The following HNRNPH1 variants were observed in gnomAD, a reference collection of about 807,000 sequenced individuals.
HNRNPH1 encodes heterogeneous nuclear ribonucleoprotein H.
Under a neutral mutation model 58.6 loss-of-function variants are expected in HNRNPH1, and 4 were observed. The ratio of observed to expected loss-of-function variants is 0.07; its 90% confidence interval spans 0.03 to 0.16. The LOEUF is 0.16. HNRNPH1 is among the 10% of genes least tolerant of loss of function. The pLI, the probability that HNRNPH1 is intolerant of heterozygous loss-of-function variation, is 1.00. For missense variants in HNRNPH1, 271 were observed against 564.2 expected, an observed-to-expected ratio of 0.48 and a Z score of 5.26; for synonymous variants, 192 against 189.2, an observed-to-expected ratio of 1.01 and a Z score of -0.12.
intron 10 of HNRNPH1, 179 bp from the exon 12 acceptor site, chr5:179,616,397 G>A (rs933666571): frequency 2.8e-5 from 17 of 606,814 alleles, no homozygotes; most frequent in East Asian, 5.6e-5. Flanking sequence ...ATTTGAGCCA[G>A]TCAAATATTG....
chr5:179,628,851 T>A (rs1426073623), upstream of HNRNPH1, among the ~76,000 whole-genome samples: 1 of 151,898 alleles, frequency 6.6e-6, no homozygotes, highest in African/African-American at 2.4e-5. Context: ...TGTGGTGGCA[T>A]ACGTCTGTAA....
At chr5:179,629,992 C>T (rs890687755) in intron 2 of HNRNPH1, among the ~76,000 whole-genome samples, 1 of 151,894 alleles carries the variant, frequency 6.6e-6, no homozygotes, top group Non-Finnish European at 1.5e-5. Flanking sequence ...CCACTACACT[C>T]GAGCCTCGGT....
intron 3 of HNRNPH1, 93 bp from the exon 5 acceptor site, chr5:179,619,500 A>AT: frequency 8.6e-7 from 1 of 1,168,776 alleles, no homozygotes; most frequent in Non-Finnish European, 1.2e-6. Context: ...ATAAACCAGA[A>AT]TTTTTAACTT....
chr5:179,621,535 C>A (rs1425375791), intron 1 of HNRNPH1, 138 bp from the exon 3 acceptor site: 3 of 663,536 alleles, frequency 4.5e-6, no homozygotes, highest in Non-Finnish European at 7.7e-6. Context: ...ACGATATTAC[C>A]AACTCCTAAA....
chr5:179,622,104 G>C (rs1189310124), intron 1 of HNRNPH1: 1 of 413,202 alleles, frequency 2.4e-6, no homozygotes, highest in African/African-American at 2.1e-5. Flanking sequence ...CATTCTGATA[G>C]AAAATATTCA....
chr5:179,623,401 T>C (rs755683749), exon 1 of HNRNPH1: 3 of 260,842 alleles, frequency 1.2e-5, no homozygotes, highest in Non-Finnish European at 2.3e-5. Flanking sequence ...GGAAAGGAAA[T>C]GGCGGCGGCC....
At chr5:179,620,751 G>T in intron 3 of HNRNPH1, 141 bp downstream of exon 4, 1 of 677,632 alleles carries the variant, frequency 1.5e-6, no homozygotes, top group Non-Finnish European at 2.5e-6. Context: ...ATTATTTGAA[G>T]GTCTCTAGGA....
At chr5:179,621,483 C>T (rs1772280365) in intron 1 of HNRNPH1, 86 bp from the exon 3 acceptor site, 6 of 1,141,146 alleles carry the variant, frequency 5.3e-6, no homozygotes, top group Admixed American at 2.1e-5. Flanking sequence ...TCCATGTCCC[C>T]ACTACAAATT....
intron 2 of HNRNPH1, among the ~76,000 whole-genome samples, chr5:179,630,613 A>G (rs1774751100): frequency 1.3e-5 from 2 of 152,046 alleles, no homozygotes; most frequent in African/African-American, 4.8e-5. Flanking sequence ...TATTTGCAGT[A>G]TAAATGCATA....
In HNRNPH1 at chr5:179,622,309, G is replaced by A. The variant is rs192033373; in HGVS notation, c.97+728C>T. Among the ~76,000 whole-genome samples, 54 of 152,276 alleles carry A rather than the reference G, an allele frequency of 3.5e-4. No homozygotes were observed. The East Asian group carries it at 6.0e-3, about 17-fold the overall frequency. ...GAAAACACCAAAACTGGAAACAAGA[G>A]GTTACACTTCAAGATATTGCAAAAC... On this transcript the variant is annotated intron_variant, in intron 1 of 12. Transcript: ENST00000356731.
At chr5:179,621,065 T>C (rs911453147) in intron 2 of HNRNPH1, 30 bp from the exon 4 acceptor site, 2 of 1,608,618 alleles carry the variant, frequency 1.2e-6, no homozygotes, top group Non-Finnish European at 1.7e-6. Flanking sequence ...TTAGTCACTT[T>C]TGGAAAATTA....
intron 2 of HNRNPH1, among the ~76,000 whole-genome samples, chr5:179,630,562 T>G (rs903473613): frequency 4.6e-5 from 7 of 152,108 alleles, no homozygotes; most frequent in African/African-American, 1.7e-4. Context: ...CAAGGTACAT[T>G]GTGCTTGGAG....
At chr5:179,623,367 G>A (rs764782977) in exon 1 of HNRNPH1, 2 of 351,986 alleles carry the variant, frequency 5.7e-6, no homozygotes, top group Admixed American at 9.0e-5. Context: ...AACCGTGGGG[G>A]CCCGGGCCGA....
chr5:179,624,570 C>T, exon 1 of HNRNPH1: 1 of 398,746 alleles, frequency 2.5e-6, no homozygotes, highest in East Asian at 3.6e-5. Flanking sequence ...AAGAGTGCGT[C>T]CATTCACCAG....
At chr5:179,628,683 T>C (rs1216013971), upstream of HNRNPH1, among the ~76,000 whole-genome samples, 1 of 152,176 alleles carries the variant, frequency 6.6e-6, no homozygotes, top group Non-Finnish European at 1.5e-5. Context: ...GCTCACCCTG[T>C]ACTCCTAGCT....
rs879119150 is a variant in HNRNPH1 at position 179,617,936 on chromosome 5, G to C, written c.788-4C>G. On this transcript the variant is annotated splice_polypyrimidine_tract_variant and splice_region_variant and intron_variant, in intron 6 of 12. Coordinates refer to ENST00000356731, the Ensembl canonical transcript of HNRNPH1. The stretch of plus-strand genomic sequence containing the variant: ...CCTGAAAAACAGTAATTGAGGTCTA[G>C]ATGGACAAGAGTGTAAGCATCCTTC... The C allele has an allele frequency of 2.5e-6, 4 of 1,613,986 alleles. No homozygotes were observed. Among genetic ancestry groups the C allele is most frequent in the East Asian group, 2.2e-5 (1 of 44,902 alleles).
chr5:179,617,755 C>A, intron 7 of HNRNPH1, 44 bp downstream of exon 8: 1 of 1,609,824 alleles, frequency 6.2e-7, no homozygotes, highest in Non-Finnish European at 8.5e-7. Flanking sequence ...GGCTGACTTA[C>A]TGCCATACTG....
upstream of HNRNPH1, among the ~76,000 whole-genome samples, chr5:179,628,304 A>G (rs1774549047): frequency 6.6e-6 from 1 of 152,188 alleles, no homozygotes. Flanking sequence ...CTTAGCCTCA[A>G]TAAGATAGGA....
At chr5:179,634,135 C>G (rs1775066128) in exon 2 of HNRNPH1, 1 of 143,454 alleles carries the variant, frequency 7.0e-6, no homozygotes, top group Admixed American at 7.1e-5. Flanking sequence ...TGCCACTGCA[C>G]AGACTCTCCC....
Sources: allele counts gnomAD v4.1 joint callset (sites outside exome capture counted in the v4.1 genomes callset), GRCh38; gene constraint gnomAD v4.1.1; transcripts MANE v1.5; gene names NCBI Gene and HGNC (gene_info 2026-07-23, HGNC 2026-07-21).